The following CAGE1 variants were observed in gnomAD, a reference collection of about 807,000 sequenced individuals.
CAGE1 encodes cancer antigen 1, also known as cancer-associated gene 1 protein.
Under a neutral mutation model 94.9 loss-of-function variants are expected in CAGE1, and 66 were observed. The ratio of observed to expected loss-of-function variants is 0.70; its 90% confidence interval spans 0.57 to 0.85. The LOEUF (loss-of-function observed/expected upper bound fraction) is 0.85. Ranked by LOEUF, CAGE1 falls within the 40% of genes least tolerant of loss-of-function variation. The probability of loss-of-function intolerance (pLI) is 0.00; values close to 1 mark genes in which losing one functional copy is unlikely to be tolerated. For synonymous variants in CAGE1, 319 were observed against 321.0 expected, an observed-to-expected ratio of 0.99 and a Z score of 0.07; for missense variants, 865 against 950.4, an observed-to-expected ratio of 0.91 and a Z score of 1.18.
chr6:7,329,294 T>C, intron 13 of CAGE1: 3 of 377,784 alleles, frequency 7.9e-6, no homozygotes, highest in Non-Finnish European at 1.4e-5. Context: ...AAAAATCGCT[T>C]GCTTAGAAAG....
chr6:7,356,037 G>A lies in CAGE1; in HGVS notation c.2286C>T (p.Asn762=). The stretch of plus-strand genomic sequence containing the variant: ...AAAAAATGTCTACCTTCTTTATTAA[G>A]TTGCCTAAATGTCTTTGATACTTGT... The part of the protein sequence containing the change: ...ENDKYQRHLG[N]LIKKVTSYEE... Residue 762 remains asparagine (N), a synonymous_variant, in exon 10 of 14, where the codon AAC becomes AAT. Coordinates refer to ENST00000502583, the MANE Select transcript of CAGE1 (RefSeq NM_001170692.2). 6.5e-7 allele frequency: 1 copy of A among 1,533,178 alleles called. No individual in the cohort carries two copies. Among genetic ancestry groups the A allele is most frequent in the Non-Finnish European group, 8.8e-7 (1 of 1,130,564 alleles). 95.0% of individuals were successfully genotyped at this position (1,533,178 alleles called of 1,614,324 possible). A position where few individuals can be genotyped will look rare whatever the true frequency, so the allele number is the denominator to read the frequency against.
At chr6:7,382,781 G>A (rs1760982293) in intron 3 of CAGE1, among the ~76,000 whole-genome samples, 2 of 151,988 alleles carry the variant, frequency 1.3e-5, no homozygotes, top group Admixed American at 1.3e-4. Context: ...CATAGTGGCA[G>A]GCAGCTGTAG....
At chr6:7,355,988 TC>T in intron 10 of CAGE1, 36 bp downstream of exon 10, 1 of 1,194,474 alleles carries the variant, frequency 8.4e-7, no homozygotes, top group South Asian at 1.3e-5. Flanking sequence ...CAGAGTGAGA[TC>T]TTGTCTCAAA....
chr6:7,352,303 A>C (rs55642175), intron 11 of CAGE1, among the ~76,000 whole-genome samples: 27,258 of 109,572 alleles, frequency 0.25, 2,857 homozygotes, highest in African/African-American at 0.29. Context: ...AAAAAAAAAA[A>C]AACAAAAAAA....
At position 7,378,605 on chromosome 6, in the gene CAGE1, G is replaced by C; in HGVS notation, c.687+12C>G. On this transcript the variant is annotated intron_variant, in intron 4 of 13. Coordinates refer to ENST00000502583, the MANE Select transcript of CAGE1 (RefSeq NM_001170692.2). ...TATCAAATGGTTTTACAATATTATTGTGTACACTTTCCTTACATAAGAAGC... is the reference window on the plus strand; with the variant it reads ...TATCAAATGGTTTTACAATATTATTCTGTACACTTTCCTTACATAAGAAGC... 1.3e-6 allele frequency: 2 copies of C among 1,555,390 alleles called. No individual in the cohort carries two copies. Among genetic ancestry groups the C allele is most frequent in the Non-Finnish European group, 1.7e-6 (2 of 1,157,428 alleles).
chr6:7,364,910 T>C (rs1760274650), intron 9 of CAGE1, among the ~76,000 whole-genome samples: 1 of 152,244 alleles, frequency 6.6e-6, no homozygotes, highest in Non-Finnish European at 1.5e-5. Flanking sequence ...AAAAATATGA[T>C]GGTAGACTTA....
At chr6:7,386,539 G>C (rs1326193452) in intron 2 of CAGE1, among the ~76,000 whole-genome samples, 1 of 152,150 alleles carries the variant, frequency 6.6e-6, no homozygotes. Flanking sequence ...TCCTGCCTCT[G>C]ACTGAATTGG....
intron 9 of CAGE1, among the ~76,000 whole-genome samples, chr6:7,356,430 C>T (rs775816165): frequency 2.6e-5 from 4 of 152,194 alleles, no homozygotes; most frequent in Admixed American, 1.3e-4. Flanking sequence ...TCTTCCTTAT[C>T]GTCTTTCCAT....
chr6:7,357,835 C>T (rs1760011747), intron 9 of CAGE1, among the ~76,000 whole-genome samples: 1 of 150,532 alleles, frequency 6.6e-6, no homozygotes, highest in Non-Finnish European at 1.5e-5. Flanking sequence ...GCTTTGTCAC[C>T]CAGGCTGGAG....
intron 11 of CAGE1, among the ~76,000 whole-genome samples, chr6:7,349,754 G>A (rs1417306551): frequency 6.6e-6 from 1 of 152,102 alleles, no homozygotes; most frequent in Admixed American, 6.5e-5. Context: ...CCAACATGGT[G>A]AAACCCCATC....
At chr6:7,361,158 A>G (rs1760152268) in intron 9 of CAGE1, among the ~76,000 whole-genome samples, 2 of 152,176 alleles carry the variant, frequency 1.3e-5, no homozygotes, top group South Asian at 4.1e-4. Flanking sequence ...TATTCATGTG[A>G]TGAAAATATA....
intron 11 of CAGE1, among the ~76,000 whole-genome samples, chr6:7,345,300 A>G (rs9766305): frequency 0.045 from 6,873 of 151,580 alleles, 294 homozygotes; most frequent in African/African-American, 0.11. Context: ...AAAGGTTTGC[A>G]GTTTTATTTC....
intron 11 of CAGE1, among the ~76,000 whole-genome samples, chr6:7,342,610 C>T (rs1408113483): frequency 6.6e-6 from 1 of 152,214 alleles, no homozygotes; most frequent in Non-Finnish European, 1.5e-5. Flanking sequence ...ACAAACTGTC[C>T]TTGACTGTCA....
intron 4 of CAGE1, among the ~76,000 whole-genome samples, chr6:7,376,477 C>T (rs1581695754): frequency 6.6e-6 from 1 of 152,164 alleles, no homozygotes; most frequent in Non-Finnish European, 1.5e-5. Context: ...CTCGATCTCA[C>T]CTTCTTTTGC....
chr6:7,368,412 A>G (rs550129406), intron 7 of CAGE1, among the ~76,000 whole-genome samples: 2 of 152,176 alleles, frequency 1.3e-5, no homozygotes, highest in Non-Finnish European at 2.9e-5. Flanking sequence ...GTCAAAATAA[A>G]CAACCCTTCA....
chr6:7,339,448 C>T lies in CAGE1; in HGVS notation c.2370-5358G>A, dbSNP rs563604227. 3.2e-6 allele frequency: 4 copies of T among 1,247,874 alleles called. No individual in the cohort carries two copies. In the African/African-American group the frequency reaches 5.9e-5, roughly 18 times the overall value. The allele number at this position is 1,247,874 out of a possible 1,614,324, so 77.3% of individuals were successfully genotyped here. The stretch of plus-strand genomic sequence containing the variant: ...ATGATTTCTGTCCTGGTTGGTGTAA[C>T]TCGCATCTCAACTCCAGAGTAGCCA... On this transcript the variant is annotated intron_variant, in intron 11 of 13. Transcript: ENST00000502583. The surrounding 1 kb of genome is among the most constrained non-coding windows in gnomAD (Gnocchi z 4.7).
intron 12 of CAGE1, among the ~76,000 whole-genome samples, chr6:7,332,335 G>A (rs1243366691): frequency 6.6e-6 from 1 of 152,120 alleles, no homozygotes; most frequent in Non-Finnish European, 1.5e-5. Flanking sequence ...CAGGACCTAC[G>A]CGGAGGCATT....
At chr6:7,338,041 G>A (rs563951161) in intron 11 of CAGE1, among the ~76,000 whole-genome samples, 1 of 151,974 alleles carries the variant, frequency 6.6e-6, no homozygotes, top group East Asian at 1.9e-4. Flanking sequence ...ACATACTTTC[G>A]CCAAATTTAT....
chr6:7,356,003 CA>C (rs1759941498), intron 10 of CAGE1, 21 bp downstream of exon 10: 2 of 1,380,486 alleles, frequency 1.4e-6, no homozygotes, highest in African/African-American at 2.9e-5. Context: ...TCTCAAAATA[CA>C]AAAGAAAAAA....
Sources: allele counts gnomAD v4.1 joint callset (sites outside exome capture counted in the v4.1 genomes callset), GRCh38; gene constraint gnomAD v4.1.1; non-coding constraint Gnocchi (gnomAD v3.1); transcripts MANE v1.5; gene names NCBI Gene and HGNC (gene_info 2026-07-23, HGNC 2026-07-21).